The following FYCO1 variants were observed in gnomAD, a reference collection of about 807,000 sequenced individuals.
The protein encoded by FYCO1 is FYVE and coiled-coil domain-containing protein 1.
FYCO1 carries 122 observed loss-of-function variants against 165.1 expected under a neutral mutation model. That is an observed-to-expected ratio of 0.74 (90% CI 0.64 to 0.86). The LOEUF is 0.86. FYCO1 is among the 40% of genes least tolerant of loss of function. The pLI, the probability that FYCO1 is intolerant of heterozygous loss-of-function variation, is 0.00. For synonymous variants in FYCO1, 648 were observed against 742.5 expected (o/e 0.87, Z 2.07); for missense variants, 1,702 against 1,810.3 (o/e 0.94, Z 1.09).
rs779276233 is a variant in FYCO1, at chr3:45,966,745, G to A, written c.2589C>T (p.Ala863=). ...CCCGCAGCTCCTCCTCCCTCTGCTG[G>A]GCCTCATCGGCCCTCTCCTCCTGCA... ...GALQEERADE[A]QQREEELRAL... Residue 863 remains alanine (A), a synonymous_variant, in exon 8 of 18, where the codon GCC becomes GCT. Transcript: ENST00000296137. The A allele has an allele frequency of 6.2e-7, 1 of 1,610,862 alleles. No individual in the cohort carries two copies. The highest frequency in any genetic ancestry group is 1.3e-5 in the African/African-American group (1 of 74,894).
intron 16 of FYCO1, among the ~76,000 whole-genome samples, chr3:45,924,114 C>T (rs1003375380): frequency 6.6e-6 from 1 of 152,198 alleles, no homozygotes; most frequent in African/African-American, 2.4e-5. Context: ...TGGGATCCAT[C>T]TGTCCAGCTG....
At chr3:45,977,588 C>A (rs998968070) in intron 4 of FYCO1, among the ~76,000 whole-genome samples, 1 of 151,398 alleles carries the variant, frequency 6.6e-6, no homozygotes, top group Non-Finnish European at 1.5e-5. Context: ...TCCAGAGAAG[C>A]AATACAATGG....
intron 14 of FYCO1, among the ~76,000 whole-genome samples, chr3:45,937,987 C>T (rs1347587237): frequency 6.6e-6 from 1 of 152,160 alleles, no homozygotes. Flanking sequence ...TCACTCAGGC[C>T]TGCTTTTGTT....
chr3:45,926,839 C>T (rs1703341858), intron 16 of FYCO1, among the ~76,000 whole-genome samples: 1 of 152,132 alleles, frequency 6.6e-6, no homozygotes, highest in Admixed American at 6.5e-5. Flanking sequence ...TGGCGCATGC[C>T]TGTAATCCCA....
At chr3:45,975,891 G>A (rs1427948407) in intron 4 of FYCO1, among the ~76,000 whole-genome samples, 1 of 152,196 alleles carries the variant, frequency 6.6e-6, no homozygotes, top group Non-Finnish European at 1.5e-5. Flanking sequence ...TGCAGAAGGA[G>A]GAAGGGAGGG....
intron 2 of FYCO1, among the ~76,000 whole-genome samples, chr3:45,983,869 C>T (rs1707179635): frequency 6.6e-6 from 1 of 152,180 alleles, no homozygotes; most frequent in South Asian, 2.1e-4. Context: ...CTATCAGAGG[C>T]CCAAGGCATG....
At position 45,968,142 on chromosome 3, in the gene FYCO1, G is replaced by C. The variant is rs758200946; in HGVS notation, c.1192C>G (p.Gln398Glu). ...RQEPIPSDAA[Q>E]EMQELGEKLQ... Reference sequence around the variant, plus strand: ...TTCTCCCCTAGCTCCTGCATCTCCTGGGCCGCATCACTGGGAATAGGTTCT... The same window carrying C: ...TTCTCCCCTAGCTCCTGCATCTCCTCGGCCGCATCACTGGGAATAGGTTCT... Residue 398 changes from glutamine to glutamate, a missense_variant, in exon 8 of 18, where the codon CAG becomes GAG. Coordinates refer to ENST00000296137, the MANE Select transcript of FYCO1 (RefSeq NM_024513.4). 4.3e-6 allele frequency: 7 copies of C among 1,613,974 alleles called. No homozygotes were observed. Among genetic ancestry groups the C allele is most frequent in the Non-Finnish European group, 5.9e-6 (7 of 1,180,032 alleles).
intron 14 of FYCO1, among the ~76,000 whole-genome samples, chr3:45,948,726 G>A (rs1704800135): frequency 1.3e-5 from 2 of 152,218 alleles, no homozygotes; most frequent in Admixed American, 6.5e-5. Context: ...CAGCTAAGTA[G>A]AATGCGCAGA....
intron 13 of FYCO1, among the ~76,000 whole-genome samples, chr3:45,957,202 C>G (rs1705385833): frequency 6.6e-6 from 1 of 152,140 alleles, no homozygotes; most frequent in Admixed American, 6.5e-5. Context: ...GACAGCCATA[C>G]AAAAAGATGA....
At position 45,968,390 on chromosome 3, in the gene FYCO1, A is replaced by G; in HGVS notation, c.944T>C (p.Leu315Pro). The change falls in exon 8 of 18, where the codon CTG becomes CCG. Residue 315 changes from leucine (L) to proline (P), a missense_variant. Coordinates refer to ENST00000296137, the MANE Select transcript of FYCO1 (RefSeq NM_024513.4). ...CTCCAGGCCCTGCAGGCATGTCTGC[A>G]GCTCCTTCACAGTGTTCTGGGTGGC... ...TQATQNTVKE[L>P]QTCLQGLELG... 6.2e-7 allele frequency: 1 copy of G among 1,613,692 alleles called. No individual in the cohort carries two copies. The highest frequency in any genetic ancestry group is 8.5e-7 in the Non-Finnish European group (1 of 1,179,898).
chr3:45,951,283 C>T (rs531353212), intron 14 of FYCO1, among the ~76,000 whole-genome samples: 8 of 152,300 alleles, frequency 5.3e-5, no homozygotes, highest in African/African-American at 1.7e-4. Context: ...TGCAATCTTC[C>T]TAACACCCCT....
intron 15 of FYCO1, among the ~76,000 whole-genome samples, chr3:45,932,039 C>A (rs1238849692): frequency 6.6e-6 from 1 of 152,220 alleles, no homozygotes; most frequent in African/African-American, 2.4e-5. Context: ...GGCCAAGGGA[C>A]CTGCCTCACT....
At position 45,955,290 on chromosome 3, in the gene FYCO1, T is replaced by C. The variant is rs144525738; in HGVS notation, c.3903A>G (p.Thr1301=). ...GGTCGAGAGAATCAGTTTCAGTGGG[T>C]GTTTCAGGCAAAGAGGAGCCGGACT... ...IQESGSSLPE[T]PTETDSLDPN... The change falls in exon 14 of 18, where the codon ACA becomes ACG. Residue 1301 remains threonine, a synonymous_variant. Coordinates refer to ENST00000296137, the MANE Select transcript of FYCO1 (RefSeq NM_024513.4). The C allele has an allele frequency of 1.2e-4, 194 of 1,614,116 alleles. No individual in the cohort carries two copies. In the African/African-American group the frequency reaches 2.5e-3, roughly 20 times the overall value.
rs1385237840 is a variant in FYCO1 at position 45,966,982 on chromosome 3, C to G, written c.2352G>C (p.Glu784Asp). Residue 784 changes from glutamate to aspartate, a missense_variant, in exon 8 of 18, where the codon GAG (glutamate) becomes GAC (aspartate). Transcript: ENST00000296137. ...CCACCTGAGCCTGCAGCCGTTGGAC[C>G]TCCCCCTGATGGACTTCCAGCTGCG... is the stretch of plus-strand genomic sequence containing the variant. ...SQAQLEVHQG[E>D]VQRLQAQVVD... 5 of 1,613,204 alleles carry G rather than the reference C, an allele frequency of 3.1e-6. No individual in the cohort carries two copies. In the South Asian group the frequency reaches 5.5e-5, roughly 18 times the overall value.
chr3:45,989,668 G>A (rs1188040241), intron 1 of FYCO1, among the ~76,000 whole-genome samples: 2 of 152,202 alleles, frequency 1.3e-5, no homozygotes, highest in Non-Finnish European at 2.9e-5. Flanking sequence ...TAAAGGGAAT[G>A]AGAACTTGAG....
In FYCO1 at chr3:45,931,289, A is replaced by C; in HGVS notation, c.4041-8T>G. The C allele has an allele frequency of 6.2e-7, 1 of 1,613,016 alleles. No individual in the cohort carries two copies. The highest frequency in any genetic ancestry group is 1.7e-5 in the Admixed American group (1 of 60,006). On this transcript the variant is annotated splice_polypyrimidine_tract_variant and splice_region_variant and intron_variant, in intron 15 of 17. Transcript: ENST00000296137. ...GTGAGGGGTACTTTGATCCTAAAAT[A>C]AAAATACAGAGAGGGACCTGATTGA... is the stretch of plus-strand genomic sequence containing the variant.
At chr3:45,927,956 G>A (rs1703401183) in intron 16 of FYCO1, among the ~76,000 whole-genome samples, 1 of 152,252 alleles carries the variant, frequency 6.6e-6, no homozygotes, top group Non-Finnish European at 1.5e-5. Context: ...TCTTGAAAAT[G>A]ATACTCTTCA....
At chr3:45,937,924 C>A (rs951474514) in intron 14 of FYCO1, among the ~76,000 whole-genome samples, 2 of 152,102 alleles carry the variant, frequency 1.3e-5, no homozygotes, top group Non-Finnish European at 2.9e-5. Flanking sequence ...CCAGCTTGTG[C>A]GGCCACCCAC....
intron 1 of FYCO1, among the ~76,000 whole-genome samples, chr3:45,985,389 C>G (rs1707260676): frequency 6.6e-6 from 1 of 152,192 alleles, no homozygotes; most frequent in Admixed American, 6.5e-5. Context: ...TCAGTGCAGC[C>G]CAGCTTCAGA....
Sources: allele counts gnomAD v4.1 joint callset (sites outside exome capture counted in the v4.1 genomes callset), GRCh38; gene constraint gnomAD v4.1.1; transcripts MANE v1.5; gene names NCBI Gene and HGNC (gene_info 2026-07-23, HGNC 2026-07-21).